DAB1: variants seen among roughly 807,000 people sequenced by gnomAD.
DAB1 encodes DAB adaptor protein 1.
In DAB1, 15 loss-of-function variants were observed where a neutral mutation model predicts 64.6. The ratio of observed to expected loss-of-function variants is 0.23; its 90% CI spans 0.16 to 0.36. The LOEUF (loss-of-function observed/expected upper bound fraction) is 0.36, where lower values mean the gene tolerates loss of function less well. Among genes scored for constraint, DAB1 ranks in the 10% least tolerant of loss-of-function variants. The pLI, the probability that DAB1 is intolerant of heterozygous loss-of-function variation, is 1.00. For missense variants in DAB1, 596 were observed against 706.7 expected (o/e 0.84, Z 1.78); for synonymous variants, 235 against 251.9 (o/e 0.93, Z 0.64).
chr1:57,325,025 C>T (rs1433712814), intron 1 of DAB1, among the ~76,000 whole-genome samples: 1 of 152,222 alleles, frequency 6.6e-6, no homozygotes, highest in Non-Finnish European at 1.5e-5. Context: ...TTTGTTTTGA[C>T]CTCCAAATAA....
intron 2 of DAB1, among the ~76,000 whole-genome samples, chr1:57,257,316 C>A (rs1308384946): frequency 3.9e-5 from 6 of 152,186 alleles, no homozygotes; most frequent in Non-Finnish European, 8.8e-5. Context: ...ACTGCCACAT[C>A]CAGTCTCCAA....
intron 7 of DAB1, among the ~76,000 whole-genome samples, chr1:57,635,052 T>C (rs977547219): frequency 6.6e-6 from 1 of 152,142 alleles, no homozygotes; most frequent in African/African-American, 2.4e-5. Context: ...GGAGTATTCA[T>C]GGAGGTACAG....
intron 4 of DAB1, among the ~76,000 whole-genome samples, chr1:58,292,564 T>C (rs1384005922): frequency 6.6e-6 from 1 of 152,058 alleles, no homozygotes; most frequent in Non-Finnish European, 1.5e-5. Flanking sequence ...AAAGACCAGA[T>C]GGTGTGGTGT....
intron 6 of DAB1, among the ~76,000 whole-genome samples, chr1:57,737,958 C>T (rs1647777693): frequency 6.6e-6 from 1 of 152,174 alleles, no homozygotes; most frequent in African/African-American, 2.4e-5. Flanking sequence ...GGCTGAAAGT[C>T]CTGCTCAATC....
At chr1:57,486,432 G>A (rs558992637) in intron 7 of DAB1, among the ~76,000 whole-genome samples, 1 of 152,288 alleles carries the variant, frequency 6.6e-6, no homozygotes, top group East Asian at 1.9e-4. Flanking sequence ...CAGAGGAGGA[G>A]AGACTGCCAG....
intron 4 of DAB1, among the ~76,000 whole-genome samples, chr1:58,225,060 C>T (rs1426254946): frequency 6.6e-6 from 1 of 152,092 alleles, no homozygotes. Flanking sequence ...GCAATCTACT[C>T]ATCTGACAAA....
intron 2 of DAB1, among the ~76,000 whole-genome samples, chr1:58,521,696 T>C (rs1646267059): frequency 6.6e-6 from 1 of 151,992 alleles, no homozygotes; most frequent in Non-Finnish European, 1.5e-5. Context: ...CTAGAAAAAC[T>C]ACAAAAACTG....
At chr1:57,163,499 G>C (rs1273087609) in intron 2 of DAB1, among the ~76,000 whole-genome samples, 1 of 151,984 alleles carries the variant, frequency 6.6e-6, no homozygotes, top group Non-Finnish European at 1.5e-5. Context: ...GCTCCCTCGT[G>C]TGCTGCTTTG....
chr1:57,499,870 T>C (rs539902640), intron 7 of DAB1, among the ~76,000 whole-genome samples: 4 of 152,348 alleles, frequency 2.6e-5, no homozygotes, highest in African/African-American at 7.2e-5. Context: ...TACTTGATTG[T>C]GAGCTGCTTT....
At chr1:58,059,415 A>G (rs1196100432) in intron 5 of DAB1, among the ~76,000 whole-genome samples, 1 of 152,260 alleles carries the variant, frequency 6.6e-6, no homozygotes, top group East Asian at 1.9e-4. Context: ...CAAAGTGTTT[A>G]AGACAGTACC....
intron 6 of DAB1, among the ~76,000 whole-genome samples, chr1:57,746,442 T>C (rs1648273536): frequency 6.6e-6 from 1 of 152,172 alleles, no homozygotes; most frequent in South Asian, 2.1e-4. Context: ...TTATTTCAAT[T>C]TGAATTCCCC....
chr1:57,831,889 A>C (rs1652605619), intron 1 of DAB1, among the ~76,000 whole-genome samples: 2 of 152,174 alleles, frequency 1.3e-5, no homozygotes, highest in African/African-American at 4.8e-5. Flanking sequence ...CACCAAGAAC[A>C]TACTATGTGC....
intron 7 of DAB1, among the ~76,000 whole-genome samples, chr1:57,630,823 T>A (rs962483937): frequency 6.6e-6 from 1 of 152,206 alleles, no homozygotes; most frequent in Non-Finnish European, 1.5e-5. Context: ...GGTATTAATA[T>A]CTGTAGAGAA....
intron 4 of DAB1, among the ~76,000 whole-genome samples, chr1:58,206,227 C>T (rs1658273490): frequency 6.6e-6 from 1 of 152,128 alleles, no homozygotes; most frequent in Non-Finnish European, 1.5e-5. Context: ...AAAGGCGGGA[C>T]AACTCTAACT....
chr1:57,518,648 GCT>G (rs1362613674), intron 7 of DAB1, among the ~76,000 whole-genome samples: 1 of 152,142 alleles, frequency 6.6e-6, no homozygotes, highest in African/African-American at 2.4e-5. Context: ...TGATAAGCAA[GCT>G]CTCGTGTGTC....
chr1:57,744,148 G>T (rs969705063), intron 6 of DAB1, among the ~76,000 whole-genome samples: 3 of 152,178 alleles, frequency 2.0e-5, no homozygotes, highest in Non-Finnish European at 4.4e-5. Context: ...CAGGATTTTG[G>T]GGGGCTTGCT....
chr1:58,113,116 CA>C (rs774930090), intron 5 of DAB1, among the ~76,000 whole-genome samples: 4 of 152,066 alleles, frequency 2.6e-5, no homozygotes, highest in Admixed American at 6.6e-5. Context: ...GTGAGGGCTG[CA>C]AAAGGATCGT....
Position 58,191,447 on chromosome 1 carries a change from G to A in DAB1, n.310-40859C>T, listed in dbSNP as rs144798795. ...ACAGAGTAGTGAAGGAAAGAATCCC[G>A]GACCACTGAATTCCAGCACACCAGA... On this transcript the variant is annotated intron_variant and non_coding_transcript_variant, in intron 4 of 20. Coordinates refer to the DAB1 transcript ENST00000485760. Among the ~76,000 whole-genome samples, 445 of 152,090 alleles carry A rather than the reference G, an allele frequency of 2.9e-3. 1 individual carries two copies. The highest frequency in any genetic ancestry group is 5.2e-3 in the African/African-American group (216 of 41,482).
intron 7 of DAB1, among the ~76,000 whole-genome samples, chr1:57,573,211 C>T (rs1645212577): frequency 6.6e-6 from 1 of 152,030 alleles, no homozygotes; most frequent in Non-Finnish European, 1.5e-5. Flanking sequence ...CCTCAGCCTT[C>T]CAAGTAGCTA....
Sources: allele counts gnomAD v4.1 joint callset (sites outside exome capture counted in the v4.1 genomes callset), GRCh38; gene constraint gnomAD v4.1.1; transcripts MANE v1.5; gene names NCBI Gene and HGNC (gene_info 2026-07-23, HGNC 2026-07-21).